PPEF1: variants seen among roughly 807,000 people sequenced by gnomAD.
PPEF1 encodes the protein serine/threonine-protein phosphatase with EF-hands 1.
A neutral mutation model predicts 53.3 loss-of-function variants in PPEF1; 12 were observed. The ratio of observed to expected loss-of-function variants is 0.23; its 90% confidence interval spans 0.14 to 0.36. PPEF1 has a LOEUF of 0.36. Ranked by LOEUF, PPEF1 falls within the 10% of genes least tolerant of loss-of-function variation. The pLI, the probability that PPEF1 is intolerant of heterozygous loss-of-function variation, is 1.00. For synonymous variants in PPEF1, 165 were observed against 176.7 expected, an observed-to-expected ratio of 0.93 and a Z score of 0.52; for missense variants, 334 against 490.4, an observed-to-expected ratio of 0.68 and a Z score of 3.01.
intron 9 of PPEF1, among the ~76,000 whole-genome samples, chrX:18,784,493 A>G (rs1286146754): frequency 9.1e-6 from 1 of 110,190 alleles, no homozygotes; most frequent in East Asian, 2.9e-4. Flanking sequence ...CCATCTATTT[A>G]CAGAATTTTC....
At chrX:18,764,259 G>GT (rs754324411) in intron 6 of PPEF1, among the ~76,000 whole-genome samples, 36 of 111,655 alleles carry the variant, frequency 3.2e-4, no homozygotes, top group Admixed American at 1.0e-3. Context: ...GTGTTCAACA[G>GT]TGGGGGGCAC....
chrX:18,825,644 T>G, intron 14 of PPEF1, 107 bp from the exon 15 acceptor site: 1 of 466,983 alleles, frequency 2.1e-6, no homozygotes. Flanking sequence ...TCTGTCTAAA[T>G]CACATCATTT....
chrX:18,769,917 A>G (rs1181222449), intron 6 of PPEF1, among the ~76,000 whole-genome samples: 1 of 111,896 alleles, frequency 8.9e-6, no homozygotes, highest in Non-Finnish European at 1.9e-5. Flanking sequence ...AAATGCTTCC[A>G]TAGGAAATAG....
rs752282321 is a variant in PPEF1 at position 18,786,512 on chromosome X, T to C, written c.912+2464T>C. On this transcript the variant is annotated intron_variant, in intron 9 of 15. Coordinates refer to ENST00000470157, the MANE Select transcript of PPEF1 (RefSeq NM_001377996.1). Reference sequence around the variant, plus strand: ...TGAAGAAAATGGTGGCCAGGCGCAGTGGCTCACGCCTGTAATCCTAGCACT... The same window carrying C: ...TGAAGAAAATGGTGGCCAGGCGCAGCGGCTCACGCCTGTAATCCTAGCACT... Among the ~76,000 whole-genome samples the C allele has an allele frequency of 1.2e-4, 13 of 111,663 alleles. No individual in the cohort carries two copies. In the South Asian group the frequency reaches 4.9e-3, roughly 42 times the overall value.
intron 14 of PPEF1, among the ~76,000 whole-genome samples, chrX:18,824,726 C>A (rs2047133009): frequency 9.1e-6 from 1 of 109,536 alleles, no homozygotes; most frequent in Non-Finnish European, 1.9e-5. Context: ...TGCAGTGGTG[C>A]AGTCTCGGCT....
chrX:18,690,171 C>T (rs933614233), intron 3 of PPEF1, among the ~76,000 whole-genome samples: 7 of 110,861 alleles, frequency 6.3e-5, no homozygotes, highest in East Asian at 2.8e-4. Flanking sequence ...GAACAGTACC[C>T]GGCACATAAT....
intron 7 of PPEF1, among the ~76,000 whole-genome samples, chrX:18,781,618 A>G (rs775715885): frequency 1.1e-4 from 12 of 112,027 alleles, no homozygotes; most frequent in Non-Finnish European, 1.9e-4. Context: ...TGGTGAGTAC[A>G]GGATGGAATT....
At position 18,690,508 on chromosome X, in the gene PPEF1, C is replaced by T. The variant is rs143557629; in HGVS notation, c.-425-474C>T. 4.2e-3 allele frequency among the ~76,000 whole-genome samples: 460 copies of T among 110,304 alleles called. 4 individuals are homozygous for T. The highest frequency in any genetic ancestry group is 0.014 in the African/African-American group (439 of 30,311). ...TTTCCTGCCTCAGCCTCCTGAGTAG[C>T]TGGGATTACAGGTGCCCGCCACCAT... On this transcript the variant is annotated intron_variant, in intron 3 of 21. Transcript: ENST00000361511.
chrX:18,820,405 A>G (rs2047008554), intron 13 of PPEF1, among the ~76,000 whole-genome samples: 1 of 95,392 alleles, frequency 1.0e-5, no homozygotes, highest in Non-Finnish European at 2.1e-5. Context: ...TTTTTTTTTG[A>G]GATGGAGTCT....
intron 10 of PPEF1, among the ~76,000 whole-genome samples, chrX:18,798,468 C>G (rs894027672): frequency 8.9e-6 from 1 of 111,953 alleles, no homozygotes; most frequent in African/African-American, 3.2e-5. Flanking sequence ...AATGTCCATG[C>G]TCTTTTTCTG....
At chrX:18,731,384 C>A (rs1202594166) in intron 2 of PPEF1, among the ~76,000 whole-genome samples, 1 of 111,944 alleles carries the variant, frequency 8.9e-6, no homozygotes, top group Non-Finnish European at 1.9e-5. Flanking sequence ...TAAGAACATT[C>A]CAAAAAGAAC....
chrX:18,788,375 G>A (rs926433647), intron 9 of PPEF1, among the ~76,000 whole-genome samples: 4 of 106,226 alleles, frequency 3.8e-5, no homozygotes, highest in East Asian at 2.9e-4. Context: ...ACTGAACCAC[G>A]GCCACCAGTA....
chrX:18,675,114 C>A (rs887478628), upstream of PPEF1, among the ~76,000 whole-genome samples: 1 of 113,069 alleles, frequency 8.8e-6, no homozygotes, highest in African/African-American at 3.2e-5. Context: ...GAGTCTCGGG[C>A]TCCGGCGTTT....
chrX:18,734,411 G>T (rs1339132578), intron 3 of PPEF1, among the ~76,000 whole-genome samples: 2 of 109,318 alleles, frequency 1.8e-5, no homozygotes, highest in Non-Finnish European at 3.8e-5. Context: ...AGTTTGCTCA[G>T]AATGATGGTT....
Position 18,733,826 on chromosome X carries a change from TC to T in PPEF1, c.235+19del, listed in dbSNP as rs2044896675. 8.9e-7 allele frequency: 1 copy of T among 1,120,928 alleles called. No individual in the cohort carries two copies. Among genetic ancestry groups the T allele is most frequent in the African/African-American group, 1.8e-5 (1 of 54,782 alleles). 92.4% of individuals were successfully genotyped at this position (1,120,928 alleles called of 1,213,427 possible). ...AGAGCTAGGTAAGTAAAAAGCTTAG[TC>T]TTTTCAAATGTGTCATTAAATATTG... is the stretch of plus-strand genomic sequence containing the variant. On this transcript the variant is annotated intron_variant, in intron 3 of 15. Coordinates refer to ENST00000470157, the MANE Select transcript of PPEF1 (RefSeq NM_001377996.1).
chrX:18,747,401 C>G (rs990795045), intron 3 of PPEF1, among the ~76,000 whole-genome samples: 2 of 112,271 alleles, frequency 1.8e-5, no homozygotes, highest in Non-Finnish European at 3.8e-5. Flanking sequence ...GCATCCATAG[C>G]TGCATCCTCA....
intron 3 of PPEF1, among the ~76,000 whole-genome samples, chrX:18,742,723 C>T (rs1436883382): frequency 9.1e-6 from 1 of 109,885 alleles, no homozygotes; most frequent in African/African-American, 3.3e-5. Context: ...TTGGTGCACG[C>T]CTGTAATCCC....
chrX:18,730,318 G>C lies in PPEF1; in HGVS notation c.174+10G>C. The C allele has an allele frequency of 8.3e-7, 1 of 1,199,725 alleles. No individual in the cohort carries two copies. On this transcript the variant is annotated intron_variant, in intron 2 of 15. Coordinates refer to ENST00000470157, the MANE Select transcript of PPEF1 (RefSeq NM_001377996.1). The stretch of plus-strand genomic sequence containing the variant: ...ACAAGGCCAAATGCAGGTCTGTTTT[G>C]CAAGCTTTTCTCTTCTTTTGATAAA...
chrX:18,708,607 C>G (rs1439944003), intron 1 of PPEF1, among the ~76,000 whole-genome samples: 2 of 112,155 alleles, frequency 1.8e-5, no homozygotes, highest in Admixed American at 1.9e-4. Flanking sequence ...AACTTCTATT[C>G]CACGTCTTGC....
Sources: allele counts gnomAD v4.1 joint callset (sites outside exome capture counted in the v4.1 genomes callset), GRCh38; gene constraint gnomAD v4.1.1; transcripts MANE v1.5; gene names NCBI Gene and HGNC (gene_info 2026-07-23, HGNC 2026-07-21).